NRG1: variants seen among roughly 807,000 people sequenced by gnomAD.
The protein encoded by NRG1 is neuregulin 1, also known as pro-neuregulin-1, membrane-bound isoform.
Under a neutral mutation model 63.8 loss-of-function variants are expected in NRG1, and 18 were observed. That is an observed-to-expected ratio of 0.28 (90% confidence interval 0.19 to 0.42). NRG1 has a LOEUF of 0.42. Among genes scored for constraint, NRG1 ranks in the 10% least tolerant of loss-of-function variants. The probability of loss-of-function intolerance (pLI) is 1.00; values close to 1 mark genes in which losing one functional copy is unlikely to be tolerated. For missense variants in NRG1, 762 were observed against 814.7 expected, an observed-to-expected ratio of 0.94 and a Z score of 0.79; for synonymous variants, 302 against 301.3, an observed-to-expected ratio of 1.00 and a Z score of -0.02.
intron 1 of NRG1, among the ~76,000 whole-genome samples, chr8:32,040,723 T>TATATATGAAATTTAGACGC: frequency 9.4e-6 from 1 of 106,462 alleles, no homozygotes; most frequent in African/African-American, 3.5e-5. Context: ...TATATATATA[T>TATATATGAAATTTAGACGC]ATATATATAT....
chr8:31,795,916 C>T (rs928079633), intron 1 of NRG1, among the ~76,000 whole-genome samples: 3 of 152,164 alleles, frequency 2.0e-5, no homozygotes, highest in Non-Finnish European at 4.4e-5. Context: ...AAAGATGATG[C>T]TTTGTTTACA....
intron 5 of NRG1, among the ~76,000 whole-genome samples, chr8:32,689,469 C>G (rs1811033865): frequency 6.6e-6 from 1 of 152,064 alleles, no homozygotes; most frequent in African/African-American, 2.4e-5. Context: ...GTTGTTGTTT[C>G]TGTTCTTTTC....
intron 6 of NRG1, among the ~76,000 whole-genome samples, chr8:32,736,597 G>A (rs1825130500): frequency 6.6e-6 from 1 of 152,132 alleles, no homozygotes; most frequent in African/African-American, 2.4e-5. Flanking sequence ...CTAGTATTGA[G>A]GAAAAGCAGA....
rs548268121 is a variant in NRG1, at chr8:32,352,879, A to G, written c.38-242949A>G. Among the ~76,000 whole-genome samples, 40 of 148,908 alleles carry G rather than the reference A, an allele frequency of 2.7e-4. 1 individual carries two copies. The South Asian group carries it at 8.6e-3, about 32-fold the overall frequency. On this transcript the variant is annotated intron_variant, in intron 1 of 10. Coordinates refer to the NRG1 transcript ENST00000519301. The stretch of plus-strand genomic sequence containing the variant: ...GGTGACAGAATGGGACCTTGTCTCA[A>G]TTTTTTAAAATATATATATACATAT...
intron 1 of NRG1, among the ~76,000 whole-genome samples, chr8:31,949,308 T>C (rs1216132699): frequency 3.9e-5 from 6 of 152,170 alleles, no homozygotes; most frequent in Non-Finnish European, 8.8e-5. Flanking sequence ...CATATTCCCC[T>C]CTCGCTGTCT....
intron 6 of NRG1, among the ~76,000 whole-genome samples, chr8:32,741,727 C>T (rs1826350582): frequency 6.6e-6 from 1 of 152,200 alleles, no homozygotes; most frequent in Admixed American, 6.6e-5. Flanking sequence ...AAATTGACAG[C>T]TCTCCGGGCC....
chr8:32,688,959 C>T (rs1188348274), intron 5 of NRG1, among the ~76,000 whole-genome samples: 1 of 152,064 alleles, frequency 6.6e-6, no homozygotes, highest in Non-Finnish European at 1.5e-5. Flanking sequence ...CTCCTAGGGT[C>T]GTCACACCAT....
intron 1 of NRG1, among the ~76,000 whole-genome samples, chr8:31,745,058 G>T (rs929213606): frequency 1.3e-5 from 2 of 151,954 alleles, no homozygotes; most frequent in Non-Finnish European, 2.9e-5. Flanking sequence ...ATAATGAATT[G>T]CAGAGTTAAT....
At chr8:31,694,540 T>A (rs1206286310) in intron 1 of NRG1, among the ~76,000 whole-genome samples, 1 of 152,082 alleles carries the variant, frequency 6.6e-6, no homozygotes, top group Non-Finnish European at 1.5e-5. Context: ...TGGAAATATG[T>A]CTTATAAGGA....
At chr8:31,942,531 A>G (rs1185232552) in intron 1 of NRG1, among the ~76,000 whole-genome samples, 1 of 152,082 alleles carries the variant, frequency 6.6e-6, no homozygotes, top group South Asian at 2.1e-4. Context: ...AACAAAGAGA[A>G]ATAGATGGGA....
intron 1 of NRG1, among the ~76,000 whole-genome samples, chr8:31,898,326 C>G (rs146459503): frequency 1.2e-3 from 181 of 152,256 alleles, no homozygotes; most frequent in African/African-American, 4.3e-3. Flanking sequence ...TTAATAACCA[C>G]TATGTGCCAG....
At chr8:31,848,839 C>T (rs375734136) in intron 1 of NRG1, among the ~76,000 whole-genome samples, 15 of 152,244 alleles carry the variant, frequency 9.9e-5, no homozygotes, top group South Asian at 2.1e-4. Flanking sequence ...TTCTACATTA[C>T]GGTGAGTTGT....
intron 1 of NRG1, among the ~76,000 whole-genome samples, chr8:31,913,130 T>G (rs915457075): frequency 6.6e-6 from 1 of 152,202 alleles, no homozygotes; most frequent in Non-Finnish European, 1.5e-5. Flanking sequence ...TTTCTCAGTT[T>G]GCTATAGCTA....
chr8:31,942,066 G>A (rs1801835263), intron 1 of NRG1, among the ~76,000 whole-genome samples: 1 of 151,990 alleles, frequency 6.6e-6, no homozygotes, highest in Non-Finnish European at 1.5e-5. Flanking sequence ...AACAAAAAAA[G>A]AGCCTGCATA....
chr8:32,423,959 G>T (rs912484867), intron 1 of NRG1, among the ~76,000 whole-genome samples: 2 of 152,054 alleles, frequency 1.3e-5, no homozygotes, highest in African/African-American at 4.8e-5. Context: ...ATTTTGAGCC[G>T]ATATTTGGAA....
At chr8:31,776,489 C>G (rs1311250472) in intron 1 of NRG1, among the ~76,000 whole-genome samples, 1 of 152,104 alleles carries the variant, frequency 6.6e-6, no homozygotes, top group Admixed American at 6.6e-5. Context: ...CCCTCATGCC[C>G]ATGCTCTTGT....
chr8:32,419,455 GGGCATCACAAGTGGCT>G (rs1563438916), intron 1 of NRG1, among the ~76,000 whole-genome samples: 8 of 152,064 alleles, frequency 5.3e-5, no homozygotes, highest in Non-Finnish European at 1.5e-5. Flanking sequence ...CTCTGTCAAG[GGGCATCACAAGTGGCT>G]GGCCTATATT....
intron 1 of NRG1, among the ~76,000 whole-genome samples, chr8:31,717,989 A>G (rs1181032742): frequency 6.6e-6 from 1 of 151,718 alleles, no homozygotes; most frequent in Non-Finnish European, 1.5e-5. Context: ...ATAATTCTAT[A>G]TTCTAGTTTG....
intron 1 of NRG1, among the ~76,000 whole-genome samples, chr8:32,043,991 T>C (rs753372269): frequency 8.6e-5 from 13 of 151,922 alleles, no homozygotes; most frequent in African/African-American, 1.4e-4. Context: ...AAAGGGCCAA[T>C]TTAAAGGCTA....
Sources: allele counts gnomAD v4.1 joint callset (sites outside exome capture counted in the v4.1 genomes callset), GRCh38; gene constraint gnomAD v4.1.1; transcripts MANE v1.5; gene names NCBI Gene and HGNC (gene_info 2026-07-23, HGNC 2026-07-21).